Variants in ATXN7L2 observed in about 807,000 individuals in gnomAD.
ATXN7L2 encodes the protein ataxin-7-like protein 2.
A neutral mutation model predicts 59.6 loss-of-function variants in ATXN7L2; 17 were observed. That is an observed-to-expected ratio of 0.29 (90% CI 0.20 to 0.43). The LOEUF is 0.43. Among genes scored for constraint, ATXN7L2 ranks in the 20% least tolerant of loss-of-function variants. ATXN7L2 has a pLI of 1.00. For missense variants in ATXN7L2, 858 were observed against 1,008.9 expected, an observed-to-expected ratio of 0.85 and a Z score of 2.03; for synonymous variants, 378 against 392.5, an observed-to-expected ratio of 0.96 and a Z score of 0.44.
At chr1:109,484,238 C>A (rs1656405970) in intron 1 of ATXN7L2, among the ~76,000 whole-genome samples, 158 bp downstream of exon 1, 1 of 152,114 alleles carries the variant, frequency 6.6e-6, no homozygotes, top group East Asian at 1.9e-4. Flanking sequence ...CCGCCCGCTC[C>A]GTCACCTTCG....
Position 109,489,190 on chromosome 1 carries a change from T to C in ATXN7L2, c.1133+90T>C, listed in dbSNP as rs1451926242. 6 of 1,474,940 alleles carry C rather than the reference T, an allele frequency of 4.1e-6. No individual in the cohort carries two copies. In the East Asian group the frequency reaches 1.1e-4, roughly 28 times the overall value. 91.4% of individuals were successfully genotyped at this position (1,474,940 alleles called of 1,614,324 possible). ...CTGGAAACAGGCTCAGGGAGTGTCC[T>C]GGAAGAGGCACTCCCTCAGCCCTGA... On this transcript the variant is annotated intron_variant, in intron 7 of 10. Coordinates refer to ENST00000683729, the MANE Select transcript of ATXN7L2 (RefSeq NM_001350175.2).
At position 109,491,125 on chromosome 1, in the gene ATXN7L2, G is replaced by C. The variant is rs939525110; in HGVS notation, c.1658G>C (p.Ser553Thr). 5.0e-6 allele frequency: 8 copies of C among 1,613,342 alleles called. No individual in the cohort carries two copies. The highest frequency in any genetic ancestry group is 6.8e-6 in the Non-Finnish European group (8 of 1,179,932). Residue 553 changes from serine to threonine, a missense_variant, in exon 10 of 11, where the codon AGC (serine) becomes ACC (threonine). By Grantham distance (58) the Ser-to-Thr change is moderately conservative. Around this residue, in one of 3 missense-constraint regions of ATXN7L2, gnomAD observed 734 missense variants for 862.3 expected, o/e 0.85. Coordinates refer to ENST00000683729, the MANE Select transcript of ATXN7L2 (RefSeq NM_001350175.2). This position sits in a 1 kb window ranked among gnomAD's most constrained non-coding sequence, Gnocchi z 4.1. ...TCCCCCAGCGTGGCGGCTGCCTGTA[G>C]CCAGGCAGAGTGCATGGGCGGGAGC... Reference protein sequence around the residue: ...AGSPSVAAACSQAECMGGSQA... With the variant: ...AGSPSVAAACTQAECMGGSQA...
In ATXN7L2 at chr1:109,486,131, C is replaced by T. The variant is rs374344741; in HGVS notation, c.193+9C>T. 4.7e-5 allele frequency: 75 copies of T among 1,582,990 alleles called. 1 individual carries two copies. The highest frequency in any genetic ancestry group is 2.2e-4 in the South Asian group (19 of 85,586). ...GACCCTCATTAAAGAAGGTGGGAGT[C>T]GACACACATTAGGGCTGGGACCCAG... is the stretch of plus-strand genomic sequence containing the variant. On this transcript the variant is annotated intron_variant, in intron 2 of 10. Coordinates refer to ENST00000683729, the MANE Select transcript of ATXN7L2 (RefSeq NM_001350175.2). The surrounding 1 kb of genome is among the most constrained non-coding windows in gnomAD (Gnocchi z 4.3).
chr1:109,488,951 G>A lies in ATXN7L2; in HGVS notation c.984G>A (p.Lys328=). ...KANSRKGESP[K]EKSPGRKEQV... ...ACTCCCGCAAAGGGGAGTCTCCCAA[G>A]GAGAAGAGCCCAGGGCGCAAGGAGC... Residue 328 remains lysine (K), a synonymous_variant, in exon 7 of 11, where the codon AAG becomes AAA. Coordinates refer to ENST00000683729, the MANE Select transcript of ATXN7L2 (RefSeq NM_001350175.2). The surrounding 1 kb of genome is among the most constrained non-coding windows in gnomAD (Gnocchi z 5.0). 1.2e-6 allele frequency: 2 copies of A among 1,614,180 alleles called. No individual in the cohort carries two copies. The highest frequency in any genetic ancestry group is 3.3e-5 in the Admixed American group (2 of 60,034).
In ATXN7L2 at chr1:109,490,263, G is replaced by T; in HGVS notation, c.1333-8G>T. The T allele has an allele frequency of 6.2e-7, 1 of 1,613,408 alleles. No homozygotes were observed. Among genetic ancestry groups the T allele is most frequent in the South Asian group, 1.1e-5 (1 of 91,044 alleles). On this transcript the variant is annotated splice_polypyrimidine_tract_variant and splice_region_variant and intron_variant, in intron 8 of 10. Transcript: ENST00000683729. ...CCTGCCAACCATGCACCTTCCTTCT[G>T]CCTTTAGTTCTGCACCTTTGGGAGC...
At chr1:109,485,972 TC>T (rs1228826972) in intron 1 of ATXN7L2, 84 bp from the exon 2 acceptor site, 2 of 1,427,120 alleles carry the variant, frequency 1.4e-6, no homozygotes, top group African/African-American at 2.9e-5. Context: ...TGGGTTGTCT[TC>T]TGGGAAGAAC....
rs892129164 is a variant in ATXN7L2, at chr1:109,486,259, G to A, written c.193+137G>A. 1.9e-5 allele frequency: 26 copies of A among 1,334,482 alleles called. No individual in the cohort carries two copies. The highest frequency in any genetic ancestry group is 2.4e-5 in the Non-Finnish European group (24 of 1,002,804). 82.7% of individuals were successfully genotyped at this position (1,334,482 alleles called of 1,614,324 possible). A position where few individuals can be genotyped will look rare whatever the true frequency, so the allele number is the denominator to read the frequency against. On this transcript the variant is annotated intron_variant, in intron 2 of 10. Coordinates refer to ENST00000683729, the MANE Select transcript of ATXN7L2 (RefSeq NM_001350175.2). This position sits in a 1 kb window ranked among gnomAD's most constrained non-coding sequence, Gnocchi z 4.3. ...TCATTTTGATAGGTCCGAGTCGGCC[G>A]GTTGTTCTGGCTCCTGTGACCTGTC...
chr1:109,485,167 A>G (rs1656484924), intron 1 of ATXN7L2: 2 of 686,950 alleles, frequency 2.9e-6, no homozygotes, highest in Non-Finnish European at 3.6e-6. Flanking sequence ...GTCTGGGTGC[A>G]TTGAGAACCG....
downstream of ATXN7L2, chr1:109,492,790 A>G: frequency 1.4e-6 from 1 of 717,556 alleles, no homozygotes; most frequent in South Asian, 2.4e-5. Flanking sequence ...AACATAGAAA[A>G]GGAAGGAAAA....
Position 109,486,698 on chromosome 1 carries a change from G to T in ATXN7L2, c.298+88G>T. The T allele has an allele frequency of 9.0e-7, 1 of 1,107,996 alleles. No individual in the cohort carries two copies. Among genetic ancestry groups the T allele is most frequent in the South Asian group, 1.4e-5 (1 of 71,404 alleles). The allele number at this position is 1,107,996 out of a possible 1,614,324, so 68.6% of individuals were successfully genotyped here. A position where few individuals can be genotyped will look rare whatever the true frequency, so the allele number is the denominator to read the frequency against. On this transcript the variant is annotated intron_variant, in intron 3 of 10. Transcript: ENST00000683729. The surrounding 1 kb of genome is among the most constrained non-coding windows in gnomAD (Gnocchi z 4.3). The stretch of plus-strand genomic sequence containing the variant: ...ACAGGGTCAGTTGGGAGGTCTCGTA[G>T]GGTAATGGAGGGTGGTGTTGAGGAT...
At chr1:109,489,629 TAC>T in intron 7 of ATXN7L2, 1 of 482,372 alleles carries the variant, frequency 2.1e-6, no homozygotes, top group South Asian at 2.6e-5. Context: ...CAGAGCTGGG[TAC>T]AGTTTTAACT....
chr1:109,485,306 C>T (rs1656501788), intron 1 of ATXN7L2: 1 of 985,066 alleles, frequency 1.0e-6, no homozygotes, highest in Non-Finnish European at 1.2e-6. Context: ...CTTTGCACAG[C>T]TAAGATGTTT....
In ATXN7L2 at chr1:109,487,590, G is replaced by A; in HGVS notation, c.582G>A (p.Val194=). The part of the protein sequence containing the change: ...LPKPDGHGIR[V]APPSAFLSQP... The stretch of plus-strand genomic sequence containing the variant: ...AGCCTGATGGACATGGAATCAGGGT[G>A]GCCCCACCCTCTGCTTTTCTCAGCC... The change falls in exon 5 of 11, where the codon GTG becomes GTA. Residue 194 remains valine (V), a synonymous_variant. Coordinates refer to ENST00000683729, the MANE Select transcript of ATXN7L2 (RefSeq NM_001350175.2). The A allele has an allele frequency of 6.4e-7, 1 of 1,562,764 alleles. No homozygotes were observed. Among genetic ancestry groups the A allele is most frequent in the Non-Finnish European group, 8.6e-7 (1 of 1,156,554 alleles).
rs2101023793 is a variant in ATXN7L2, at chr1:109,486,233, C to A, written c.193+111C>A. On this transcript the variant is annotated intron_variant, in intron 2 of 10. Coordinates refer to ENST00000683729, the MANE Select transcript of ATXN7L2 (RefSeq NM_001350175.2). The surrounding 1 kb of genome is among the most constrained non-coding windows in gnomAD (Gnocchi z 4.3). ...TGCTTGAAGCAGCTGTCTGGGGACC[C>A]TCATTTTGATAGGTCCGAGTCGGCC... is the stretch of plus-strand genomic sequence containing the variant. 2.1e-6 allele frequency: 3 copies of A among 1,450,906 alleles called. No individual in the cohort carries two copies. In the East Asian group the frequency reaches 7.3e-5, roughly 35 times the overall value. The allele number at this position is 1,450,906 out of a possible 1,614,324, so 89.9% of individuals were successfully genotyped here. A position where few individuals can be genotyped will look rare whatever the true frequency, so the allele number is the denominator to read the frequency against.
chr1:109,489,274 T>G, intron 7 of ATXN7L2, 174 bp downstream of exon 7: 1 of 820,074 alleles, frequency 1.2e-6, no homozygotes, highest in Non-Finnish European at 1.8e-6. Flanking sequence ...CTCCCCTGTT[T>G]CCAACCAGGC....
chr1:109,484,128 T>G, intron 1 of ATXN7L2, 48 bp downstream of exon 1: 2 of 1,339,982 alleles, frequency 1.5e-6, no homozygotes, highest in Non-Finnish European at 1.9e-6. Context: ...CTATCTCCCC[T>G]CCCCCCTTCC....
At chr1:109,485,677 A>G in intron 1 of ATXN7L2, 3 of 996,088 alleles carry the variant, frequency 3.0e-6, no homozygotes, top group Non-Finnish European at 1.2e-6. Flanking sequence ...ATGGGGAAGC[A>G]GGCCCAGAAA....
Position 109,490,999 on chromosome 1 carries a change from C to T in ATXN7L2, c.1532C>T (p.Thr511Ile). Residue 511 changes from threonine to isoleucine, a missense_variant, in exon 10 of 11, where the codon ACA becomes ATA. Thr to Ile is a moderately conservative substitution (Grantham distance 89). Around this residue, in one of 3 missense-constraint regions of ATXN7L2, gnomAD observed 734 missense variants for 862.3 expected, o/e 0.85. Coordinates refer to ENST00000683729, the MANE Select transcript of ATXN7L2 (RefSeq NM_001350175.2). ...TCTGCTCCCCTGAGCCCATCCTCTA[C>T]AGGCACCTGCCCCCGCCTTCCAGGT... Reference protein sequence around the residue: ...PLSAPLSPSSTGTCPRLPGPT... With the variant: ...PLSAPLSPSSIGTCPRLPGPT... The T allele has an allele frequency of 3.7e-6, 6 of 1,613,188 alleles. No homozygotes were observed. Among genetic ancestry groups the T allele is most frequent in the Non-Finnish European group, 5.1e-6 (6 of 1,179,662 alleles).
Position 109,491,966 on chromosome 1 carries a change from C to G in ATXN7L2, c.2250+249C>G, listed in dbSNP as rs1657116946. On this transcript the variant is annotated intron_variant, in intron 10 of 10. Transcript: ENST00000683729. This position sits in a 1 kb window ranked among gnomAD's most constrained non-coding sequence, Gnocchi z 4.1. Reference sequence around the variant, plus strand: ...TGAGGAGATGCGGCACCCCTCCACCCCTGCTTTTGCTATAATCAAAGGGCT... The same window carrying G: ...TGAGGAGATGCGGCACCCCTCCACCGCTGCTTTTGCTATAATCAAAGGGCT... 8 of 1,263,886 alleles carry G rather than the reference C, an allele frequency of 6.3e-6. No individual in the cohort carries two copies. Among genetic ancestry groups the G allele is most frequent in the Non-Finnish European group, 8.1e-6 (8 of 992,368 alleles). 78.3% of individuals were successfully genotyped at this position (1,263,886 alleles called of 1,614,324 possible).
Sources: allele counts gnomAD v4.1 joint callset (sites outside exome capture counted in the v4.1 genomes callset), GRCh38; gene constraint gnomAD v4.1.1; regional missense constraint gnomAD v4.1.1; non-coding constraint Gnocchi (gnomAD v3.1); transcripts MANE v1.5; gene names NCBI Gene and HGNC (gene_info 2026-07-23, HGNC 2026-07-21).